PDE4D: variants seen among roughly 807,000 people sequenced by gnomAD.
PDE4D encodes the protein 3',5'-cyclic-AMP phosphodiesterase 4D.
Under a neutral mutation model 87.4 loss-of-function variants are expected in PDE4D, and 24 were observed. The ratio of observed to expected loss-of-function variants is 0.27; its 90% CI spans 0.20 to 0.39. The LOEUF (loss-of-function observed/expected upper bound fraction) is 0.39. PDE4D is among the 10% of genes least tolerant of loss of function. The pLI is 1.00. For missense variants in PDE4D, 714 were observed against 1,041.0 expected (o/e 0.69, Z 4.32); for synonymous variants, 384 against 383.2 (o/e 1.00, Z -0.02).
chr5:60,443,947 C>T (rs1490215061), intron 1 of PDE4D, among the ~76,000 whole-genome samples: 1 of 120,534 alleles, frequency 8.3e-6, no homozygotes, highest in African/African-American at 3.1e-5. Context: ...TCCCACCTCA[C>T]CCACCCTACC....
intron 1 of PDE4D, among the ~76,000 whole-genome samples, chr5:59,319,538 T>C (rs1774346953): frequency 3.3e-5 from 5 of 152,098 alleles, no homozygotes. Context: ...ATCATGGAAA[T>C]TACATAGCTA....
intron 1 of PDE4D, among the ~76,000 whole-genome samples, chr5:59,580,053 G>A (rs1823831299): frequency 6.6e-6 from 1 of 152,132 alleles, no homozygotes; most frequent in Non-Finnish European, 1.5e-5. Context: ...ACTTAGCCAG[G>A]CTGCTAAATA....
At chr5:59,253,030 T>C (rs1340762711) in intron 1 of PDE4D, among the ~76,000 whole-genome samples, 1 of 152,164 alleles carries the variant, frequency 6.6e-6, no homozygotes, top group Non-Finnish European at 1.5e-5. Context: ...ATCACTGAAG[T>C]CACATTCTCT....
In PDE4D at chr5:59,112,967, A is replaced by AT. The variant is rs1208855466; in HGVS notation, c.808+67627dup. ...AGGCATGCACCACCACGCATGGCTA[A>AT]TTTTTGTATTTTTAGTAGCGATGGG... On this transcript the variant is annotated intron_variant, in intron 5 of 14. Transcript: ENST00000340635. 4.6e-5 allele frequency among the ~76,000 whole-genome samples: 7 copies of AT among 151,844 alleles called. No homozygotes were observed. The East Asian group carries it at 1.4e-3, about 29-fold the overall frequency.
chr5:58,974,646 A>ATGAAAGTTTTTGCAC lies in PDE4D; in HGVS notation c.*3_*17dup. ...TTTTCTACTTAAAAAAAAAAAAGGC[A>ATGAAAGTTTTTGCAC]TGAAAGTTTTTGCACTGTTACGTGT... On this transcript the variant is annotated 3_prime_UTR_variant, in exon 15 of 15. Coordinates refer to ENST00000340635, the MANE Select transcript of PDE4D (RefSeq NM_001104631.2). The ATGAAAGTTTTTGCAC allele has an allele frequency of 6.6e-7, 1 of 1,514,372 alleles. No homozygotes were observed. Among genetic ancestry groups the ATGAAAGTTTTTGCAC allele is most frequent in the South Asian group, 1.3e-5 (1 of 75,182 alleles). The allele number at this position is 1,514,372 out of a possible 1,614,324, so 93.8% of individuals were successfully genotyped here. A position where few individuals can be genotyped will look rare whatever the true frequency, so the allele number is the denominator to read the frequency against.
At chr5:59,330,293 G>A (rs926020218) in intron 1 of PDE4D, among the ~76,000 whole-genome samples, 2 of 152,092 alleles carry the variant, frequency 1.3e-5, no homozygotes, top group African/African-American at 4.8e-5. Context: ...GTACAGAAGT[G>A]AAATATATAG....
intron 1 of PDE4D, among the ~76,000 whole-genome samples, chr5:59,506,764 G>C (rs1044178484): frequency 7.2e-5 from 11 of 152,130 alleles, no homozygotes; most frequent in African/African-American, 2.7e-4. Flanking sequence ...TACTCAACTA[G>C]AATGGTTAAA....
intron 2 of PDE4D, among the ~76,000 whole-genome samples, chr5:60,144,781 T>C (rs1780854127): frequency 6.6e-6 from 1 of 152,218 alleles, no homozygotes; most frequent in Non-Finnish European, 1.5e-5. Context: ...AGACAGAATT[T>C]TGCCTTTGTC....
In PDE4D at chr5:59,359,748, G is replaced by C. The variant is rs562535459; in HGVS notation, c.456-143780C>G. 3.3e-5 allele frequency among the ~76,000 whole-genome samples: 5 copies of C among 152,042 alleles called. No homozygotes were observed. The East Asian group carries it at 9.6e-4, about 29-fold the overall frequency. ...ACATCTTTTGAACATTCTAATTACT[G>C]TCATTTATTAAGCGTTTATTTTTCC... is the stretch of plus-strand genomic sequence containing the variant. On this transcript the variant is annotated intron_variant, in intron 1 of 14. Coordinates refer to ENST00000340635, the MANE Select transcript of PDE4D (RefSeq NM_001104631.2).
At chr5:59,651,781 A>C (rs1743546190) in intron 1 of PDE4D, among the ~76,000 whole-genome samples, 1 of 152,236 alleles carries the variant, frequency 6.6e-6, no homozygotes, top group Admixed American at 6.5e-5. Flanking sequence ...AGAAGGAAGG[A>C]TTCTATCCAC....
intron 1 of PDE4D, among the ~76,000 whole-genome samples, chr5:59,823,343 C>CT (rs899959493): frequency 1.1e-4 from 17 of 151,796 alleles, no homozygotes; most frequent in South Asian, 2.1e-4. Context: ...ATAATGCATT[C>CT]TTTTTTTTTC....
At chr5:59,843,176 T>C (rs933828923) in intron 1 of PDE4D, among the ~76,000 whole-genome samples, 1 of 152,026 alleles carries the variant, frequency 6.6e-6, no homozygotes. Context: ...TTCCTTCTGC[T>C]ACAATATAAA....
chr5:59,739,856 G>A (rs937159865), intron 1 of PDE4D, among the ~76,000 whole-genome samples: 1 of 151,980 alleles, frequency 6.6e-6, no homozygotes, highest in Non-Finnish European at 1.5e-5. Context: ...ATAAAAGGTA[G>A]GAATATAAAA....
chr5:59,156,942 CAGG>C, intron 5 of PDE4D: 1 of 170,806 alleles, frequency 5.9e-6, no homozygotes, highest in Non-Finnish European at 1.2e-5. Context: ...TTGATCTTTG[CAGG>C]AGATTATAGA....
chr5:59,668,447 T>G (rs751772141), intron 1 of PDE4D, among the ~76,000 whole-genome samples: 4 of 152,188 alleles, frequency 2.6e-5, no homozygotes, highest in Non-Finnish European at 5.9e-5. Context: ...TGGTGGCTCA[T>G]GCCTGTAACT....
intron 1 of PDE4D, among the ~76,000 whole-genome samples, chr5:59,826,272 A>C (rs1270850561): frequency 2.6e-5 from 4 of 152,184 alleles, no homozygotes. Context: ...ATTTAAAGTG[A>C]ATGACCATTC....
chr5:60,235,693 A>T (rs1450731832), intron 1 of PDE4D, among the ~76,000 whole-genome samples: 1 of 151,908 alleles, frequency 6.6e-6, no homozygotes, highest in Non-Finnish European at 1.5e-5. Context: ...CCTTATCAAT[A>T]TCATACAGCT....
At chr5:59,874,093 C>T (rs140134243) in intron 1 of PDE4D, among the ~76,000 whole-genome samples, 16 of 152,068 alleles carry the variant, frequency 1.1e-4, no homozygotes, top group Non-Finnish European at 1.9e-4. Context: ...TGGCTCCCTA[C>T]GCAGGAGGCT....
At chr5:59,113,190 G>A (rs1772981873) in intron 5 of PDE4D, among the ~76,000 whole-genome samples, 1 of 152,100 alleles carries the variant, frequency 6.6e-6, no homozygotes, top group Non-Finnish European at 1.5e-5. Context: ...CAGATACAAG[G>A]CATCTTCACT....
Sources: allele counts gnomAD v4.1 joint callset (sites outside exome capture counted in the v4.1 genomes callset), GRCh38; gene constraint gnomAD v4.1.1; transcripts MANE v1.5; gene names NCBI Gene and HGNC (gene_info 2026-07-23, HGNC 2026-07-21).